Variants in SPG7 observed in about 807,000 individuals in gnomAD.
The protein encoded by SPG7 is mitochondrial inner membrane m-AAA protease component paraplegin.
Under a neutral mutation model 81.9 loss-of-function variants are expected in SPG7, and 103 were observed. The observed-to-expected ratio is 1.26, with a 90% CI of 1.07 to 1.48. The LOEUF is 1.48. Among genes scored for constraint, SPG7 ranks in the 40% most tolerant of loss-of-function variants. SPG7 has a pLI of 0.00. For synonymous variants in SPG7, 534 were observed against 444.2 expected (o/e 1.20, Z -2.54); for missense variants, 1,241 against 1,087.3 (o/e 1.14, Z -1.99).
chr16:89,512,115 G>A (rs1015301963), intron 2 of SPG7, among the ~76,000 whole-genome samples: 1 of 151,878 alleles, frequency 6.6e-6, no homozygotes, highest in Non-Finnish European at 1.5e-5. Flanking sequence ...GTTTCACCAT[G>A]TTAGCCAGGA....
chr16:89,557,155 G>C lies in SPG7; in HGVS notation c.*62G>C, dbSNP rs2058695708. 2.2e-6 allele frequency: 3 copies of C among 1,354,050 alleles called. No homozygotes were observed. The highest frequency in any genetic ancestry group is 3.1e-6 in the Non-Finnish European group (3 of 955,954). The allele number at this position is 1,354,050 out of a possible 1,614,324, so 83.9% of individuals were successfully genotyped here. ...AAGTGAGGGCTCACTCAGCCACCCT[G>C]AGTTGCTTTTCAGCTGAGGTTTGCA... On this transcript the variant is annotated 3_prime_UTR_variant, in exon 17 of 17. Transcript: ENST00000645818.
intron 12 of SPG7, chr16:89,549,462 C>G: frequency 1.1e-5 from 4 of 357,662 alleles, no homozygotes; most frequent in South Asian, 4.3e-5. Context: ...AGTTTGAGAC[C>G]AGCCTGGGCA....
At position 89,554,518 on chromosome 16, in the gene SPG7, A is replaced by C; in HGVS notation, c.2136A>C (p.Arg712Ser). ...EARLLVAKAY[R>S]HTEKVLQDNL... Reference sequence around the variant, plus strand: ...GACTGCTGGTGGCCAAGGCCTACAGACACACCGAGAAGGTGCTGCAGGACA... The same window carrying C: ...GACTGCTGGTGGCCAAGGCCTACAGCCACACCGAGAAGGTGCTGCAGGACA... The change falls in exon 16 of 17, where the codon AGA becomes AGC. Residue 712 changes from arginine to serine, a missense_variant. Physicochemically the swap from Arg to Ser is moderately radical, Grantham distance 110. Coordinates refer to ENST00000645818, the MANE Select transcript of SPG7 (RefSeq NM_003119.4). 6.2e-7 allele frequency: 1 copy of C among 1,609,618 alleles called. No homozygotes were observed.
chr16:89,526,509 C>T (rs917587918), intron 5 of SPG7, 41 bp downstream of exon 5: 3 of 1,612,728 alleles, frequency 1.9e-6, no homozygotes, highest in Non-Finnish European at 2.5e-6. Flanking sequence ...CTAAACCTAA[C>T]TTGGCTTTGT....
At chr16:89,526,616 A>C in intron 5 of SPG7, 148 bp downstream of exon 5, 2 of 825,116 alleles carry the variant, frequency 2.4e-6, no homozygotes, top group Non-Finnish European at 4.1e-6. Flanking sequence ...ATAGAAGTGA[A>C]TGATACAATG....
chr16:89,554,036 C>A, intron 15 of SPG7, 76 bp downstream of exon 15: 2 of 1,506,574 alleles, frequency 1.3e-6, no homozygotes, highest in Non-Finnish European at 1.8e-6. Flanking sequence ...ACACAAGGGT[C>A]GCCCACGGCC....
chr16:89,532,965 C>T (rs1473528247), intron 9 of SPG7: 5 of 367,226 alleles, frequency 1.4e-5, no homozygotes, highest in African/African-American at 4.3e-5. Context: ...TGCTTATAAT[C>T]GCTAGTACTC....
chr16:89,508,464 G>A lies in SPG7; in HGVS notation c.47G>A (p.Gly16Asp). The change falls in exon 1 of 17, where the codon GGC becomes GAC. Residue 16 changes from glycine (G) to aspartate (D), a missense_variant. Gly to Asp is a moderately conservative substitution (Grantham distance 94). Transcript: ENST00000645818. ...CTCCGTGCCCTCCGCCGGGGTCCAG[G>A]CCCGGGTCCTCGGCCGCTGTGGGGC... is the stretch of plus-strand genomic sequence containing the variant. ...LLLRALRRGP[G>D]PGPRPLWGPG... 2 of 1,507,914 alleles carry A rather than the reference G, an allele frequency of 1.3e-6. No homozygotes were observed. The highest frequency in any genetic ancestry group is 8.8e-7 in the Non-Finnish European group (1 of 1,135,336). The allele number at this position is 1,507,914 out of a possible 1,614,324, so 93.4% of individuals were successfully genotyped here.
rs1426775589 is a variant in SPG7, at chr16:89,530,796, G to A, written c.975G>A (p.Val325=). 1.9e-6 allele frequency: 3 copies of A among 1,614,012 alleles called. No homozygotes were observed. The highest frequency in any genetic ancestry group is 2.7e-5 in the African/African-American group (2 of 74,920). Reference sequence around the variant, plus strand: ...CCAAACTGGAAGTCCGCGAGTTTGTGGATTATCTGAAGGTGAAAGCAGCGT... The same window carrying A: ...CCAAACTGGAAGTCCGCGAGTTTGTAGATTATCTGAAGGTGAAAGCAGCGT... ...HEAKLEVREF[V]DYLKSPERFL... Residue 325 remains valine (V), a synonymous_variant, in exon 7 of 17, where the codon GTG becomes GTA. Coordinates refer to ENST00000645818, the MANE Select transcript of SPG7 (RefSeq NM_003119.4).
chr16:89,518,562 T>C (rs544682460), intron 3 of SPG7: 3 of 151,056 alleles, frequency 2.0e-5, no homozygotes, highest in Non-Finnish European at 4.4e-5. Context: ...AAGACTCCGC[T>C]CACTGATAAC....
chr16:89,515,695 T>C (rs967186135), intron 3 of SPG7, among the ~76,000 whole-genome samples: 18 of 149,544 alleles, frequency 1.2e-4, no homozygotes, highest in Admixed American at 1.1e-3. Context: ...TCTATTATTA[T>C]TATTACTATT....
Position 89,532,449 on chromosome 16 carries a change from CT to C in SPG7, c.1151-13del. ...TTAACTGCCCATTTCCTGATTCTCT[CT>C]GTGTCCCCTCAGGCCTCGGCGCTGC... On this transcript the variant is annotated splice_polypyrimidine_tract_variant and intron_variant, in intron 8 of 16. Transcript: ENST00000645818. 6.2e-7 allele frequency: 1 copy of C among 1,613,246 alleles called. No individual in the cohort carries two copies. Among genetic ancestry groups the C allele is most frequent in the Non-Finnish European group, 8.5e-7 (1 of 1,179,962 alleles).
intron 9 of SPG7, among the ~76,000 whole-genome samples, chr16:89,534,826 C>A (rs11649090): frequency 1.3e-5 from 2 of 152,206 alleles, no homozygotes; most frequent in Non-Finnish European, 2.9e-5. Context: ...GACTGCCCCC[C>A]AGACCCATCC....
Position 89,512,965 on chromosome 16 carries a change from A to G in SPG7, c.304A>G (p.Asn102Asp), listed in dbSNP as rs1336600500. 1.2e-6 allele frequency: 2 copies of G among 1,613,418 alleles called. No homozygotes were observed. The highest frequency in any genetic ancestry group is 4.5e-5 in the East Asian group (2 of 44,876). The change falls in exon 3 of 17, where the codon AAC becomes GAC. Residue 102 changes from asparagine (N) to aspartate (D), a missense_variant. Physicochemically the swap from Asn to Asp is conservative, Grantham distance 23. Coordinates refer to ENST00000645818, the MANE Select transcript of SPG7 (RefSeq NM_003119.4). ...WQLLGGTFYFNTSRLKQKNKE... is the reference protein window; with the variant it reads ...WQLLGGTFYFDTSRLKQKNKE... ...TCTCATAGGTGGTACTTTCTATTTT[A>G]ACACCTCAAGGTTGAAGCAGAAGAA...
Position 89,532,050 on chromosome 16 carries a change from C to G in SPG7, c.1134C>G (p.Phe378Leu). ...TCCTGGCGATGGCCGGCCCAGAGTT[C>G]GTGGAGGTCATTGGAGGTAGGTGCT... ...VPFLAMAGPE[F>L]VEVIGGLGAA... The change falls in exon 8 of 17, where the codon TTC (phenylalanine) becomes TTG (leucine). Residue 378 changes from phenylalanine (F) to leucine (L), a missense_variant. By Grantham distance (22) the Phe-to-Leu change is conservative. Coordinates refer to ENST00000645818, the MANE Select transcript of SPG7 (RefSeq NM_003119.4). 1 of 1,612,810 alleles carries G rather than the reference C, an allele frequency of 6.2e-7. No homozygotes were observed. Among genetic ancestry groups the G allele is most frequent in the Non-Finnish European group, 8.5e-7 (1 of 1,179,946 alleles).
chr16:89,557,175 T>C lies in SPG7; in HGVS notation c.*82T>C. The C allele has an allele frequency of 2.0e-6, 2 of 1,017,464 alleles. No individual in the cohort carries two copies. Among genetic ancestry groups the C allele is most frequent in the Non-Finnish European group, 3.0e-6 (2 of 659,314 alleles). The allele number at this position is 1,017,464 out of a possible 1,614,324, so 63.0% of individuals were successfully genotyped here. A position where few individuals can be genotyped will look rare whatever the true frequency, so the allele number is the denominator to read the frequency against. On this transcript the variant is annotated 3_prime_UTR_variant, in exon 17 of 17. Transcript: ENST00000645818. Reference sequence around the variant, plus strand: ...ACCCTGAGTTGCTTTTCAGCTGAGGTTTGCACTTCCTCTCGCGGCCCTCAG... The same window carrying C: ...ACCCTGAGTTGCTTTTCAGCTGAGGCTTGCACTTCCTCTCGCGGCCCTCAG...
intron 9 of SPG7, chr16:89,532,889 G>T (rs774636877): frequency 5.2e-5 from 26 of 503,826 alleles, no homozygotes; most frequent in Non-Finnish European, 8.7e-5. Flanking sequence ...TTCATGAGCA[G>T]CCTGGCCAAC....
Position 89,557,513 on chromosome 16 carries a change from T to G in SPG7, c.*420T>G. ...CTCGGAATGCTAAGGGGATCGGACA[T>G]GAAAGGACCCTGTGAGCCGATTGTC... is the stretch of plus-strand genomic sequence containing the variant. On this transcript the variant is annotated 3_prime_UTR_variant, in exon 17 of 17. Transcript: ENST00000645818. 1 of 244,528 alleles carries G rather than the reference T, an allele frequency of 4.1e-6. No individual in the cohort carries two copies. The highest frequency in any genetic ancestry group is 5.1e-5 in the Admixed American group (1 of 19,452). The allele number at this position is 244,528 out of a possible 1,614,324, so 15.1% of individuals were successfully genotyped here. A position where few individuals can be genotyped will look rare whatever the true frequency, so the allele number is the denominator to read the frequency against.
intron 2 of SPG7, among the ~76,000 whole-genome samples, chr16:89,512,702 A>G (rs1400232340): frequency 6.6e-6 from 1 of 152,238 alleles, no homozygotes; most frequent in Non-Finnish European, 1.5e-5. Context: ...ATTCCCTCAC[A>G]TTAGCAATTT....
Sources: gnomAD v4.1 joint callset for allele counts (sites outside exome capture counted in the v4.1 genomes callset) on GRCh38, gnomAD v4.1.1 for gene constraint, MANE v1.5 for transcripts, NCBI Gene and HGNC (gene_info 2026-07-23, HGNC 2026-07-21) for gene names.